CFAP299: variants seen among roughly 807,000 people sequenced by gnomAD.
The protein encoded by CFAP299 is cilia and flagella associated protein 299, also known as cilia- and flagella-associated protein 299.
A neutral mutation model predicts 27.0 loss-of-function variants in CFAP299; 21 were observed. That is an observed-to-expected ratio of 0.78 (90% CI 0.55 to 1.12). The LOEUF is 1.12. Among genes scored for constraint, CFAP299 ranks in the 50% most tolerant of loss-of-function variants. The probability of loss-of-function intolerance (pLI) is 0.00; values close to 1 mark genes in which losing one functional copy is unlikely to be tolerated. For missense variants in CFAP299, 310 were observed against 276.6 expected (o/e 1.12, Z -0.86); for synonymous variants, 104 against 98.1 (o/e 1.06, Z -0.36).
intron 2 of CFAP299, among the ~76,000 whole-genome samples, chr4:80,576,316 A>G (rs891934271): frequency 8.6e-5 from 13 of 151,606 alleles, no homozygotes; most frequent in Non-Finnish European, 1.3e-4. Flanking sequence ...CCTAATTTAT[A>G]TAAAGGATAA....
rs952681447 is a variant in CFAP299, at chr4:80,618,822, A to G, written c.333+35639A>G. Reference sequence around the variant, plus strand: ...TTTACTTAGTGTAATAAGGGTAAGTATAATATAATAATATCATAAATAAAA... The same window carrying G: ...TTTACTTAGTGTAATAAGGGTAAGTGTAATATAATAATATCATAAATAAAA... On this transcript the variant is annotated intron_variant, in intron 3 of 5. Coordinates refer to ENST00000358105, the MANE Select transcript of CFAP299 (RefSeq NM_152770.3). 2.0e-5 allele frequency among the ~76,000 whole-genome samples: 3 copies of G among 152,078 alleles called. No homozygotes were observed. The East Asian group carries it at 5.8e-4, about 29-fold the overall frequency.
At chr4:80,940,262 C>T (rs1172490814) in intron 4 of CFAP299, among the ~76,000 whole-genome samples, 2 of 152,084 alleles carry the variant, frequency 1.3e-5, no homozygotes, top group African/African-American at 4.8e-5. Context: ...CCTAGTTCCC[C>T]CCAAGACTAT....
chr4:80,794,017 G>C (rs1727715529), intron 3 of CFAP299, among the ~76,000 whole-genome samples: 1 of 152,160 alleles, frequency 6.6e-6, no homozygotes, highest in African/African-American at 2.4e-5. Context: ...GTCTGTTGTA[G>C]TTTCCCATTG....
intron 2 of CFAP299, chr4:80,386,465 A>T: frequency 4.6e-6 from 7 of 1,536,706 alleles, no homozygotes; most frequent in Non-Finnish European, 6.1e-6. Flanking sequence ...CCTTGCGCCC[A>T]CCACTGCCGC....
At chr4:80,737,201 G>A (rs1381698692) in intron 3 of CFAP299, among the ~76,000 whole-genome samples, 2 of 151,522 alleles carry the variant, frequency 1.3e-5, no homozygotes, top group African/African-American at 4.9e-5. Flanking sequence ...ATTGGGAGAT[G>A]TACCTAATGC....
intron 4 of CFAP299, among the ~76,000 whole-genome samples, chr4:80,898,184 AGAAAAATGAGGTCACAT>A (rs1367856826): frequency 1.3e-5 from 2 of 152,260 alleles, no homozygotes; most frequent in East Asian, 3.9e-4. Flanking sequence ...CCAGTGACCA[AGAAAAATGAGGTCACAT>A]GAACAAATTA....
intron 3 of CFAP299, among the ~76,000 whole-genome samples, chr4:80,784,270 G>T (rs1203721591): frequency 6.6e-6 from 1 of 152,200 alleles, no homozygotes; most frequent in South Asian, 2.1e-4. Context: ...TCATACAGTA[G>T]TTCCATTTTT....
intron 3 of CFAP299, among the ~76,000 whole-genome samples, chr4:80,708,362 T>A (rs1214903391): frequency 6.6e-6 from 1 of 152,080 alleles, no homozygotes; most frequent in African/African-American, 2.4e-5. Flanking sequence ...TTTGTCCTTT[T>A]GCTCTTTATG....
intron 2 of CFAP299, among the ~76,000 whole-genome samples, chr4:80,487,807 A>G (rs1730903408): frequency 1.3e-5 from 2 of 152,196 alleles, no homozygotes; most frequent in African/African-American, 4.8e-5. Context: ...CATTAACAGA[A>G]GGGAGATGGC....
intron 3 of CFAP299, among the ~76,000 whole-genome samples, chr4:80,730,984 C>T (rs1723488250): frequency 1.3e-5 from 2 of 152,144 alleles, no homozygotes; most frequent in South Asian, 4.1e-4. Flanking sequence ...CTAGCAGCTC[C>T]TTGGTGTTAA....
rs183168987 is a variant in CFAP299, at chr4:80,411,480, T to G, written c.242+48596T>G. Among the ~76,000 whole-genome samples the G allele has an allele frequency of 6.2e-3, 937 of 152,204 alleles. 2 individuals carry two copies. Among genetic ancestry groups the G allele is most frequent in the Middle Eastern group, 0.024 (7 of 294 alleles). ...ATGAAAGGAATGTAAACAATCTAATTTTTTTATCAAAAGATTAGACATTTA... is the reference window on the plus strand; with the variant it reads ...ATGAAAGGAATGTAAACAATCTAATGTTTTTATCAAAAGATTAGACATTTA... On this transcript the variant is annotated intron_variant, in intron 2 of 5. Transcript: ENST00000358105.
chr4:80,497,327 T>C (rs1335870284), intron 2 of CFAP299, among the ~76,000 whole-genome samples: 1 of 152,178 alleles, frequency 6.6e-6, no homozygotes, highest in African/African-American at 2.4e-5. Context: ...TTTTGGTAAC[T>C]AGCAAATGAC....
intron 3 of CFAP299, among the ~76,000 whole-genome samples, chr4:80,712,698 A>G (rs1164857191): frequency 1.3e-5 from 2 of 152,214 alleles, no homozygotes; most frequent in African/African-American, 4.8e-5. Flanking sequence ...ACAGAAATGA[A>G]TTAGTATGTT....
intron 3 of CFAP299, among the ~76,000 whole-genome samples, chr4:80,735,293 A>T (rs921946969): frequency 6.6e-6 from 1 of 152,136 alleles, no homozygotes. Context: ...TTGAATTTGT[A>T]TACTGCAACA....
intron 3 of CFAP299, among the ~76,000 whole-genome samples, chr4:80,585,676 G>T (rs1354394190): frequency 3.3e-5 from 5 of 152,128 alleles, no homozygotes; most frequent in Non-Finnish European, 5.9e-5. Flanking sequence ...TGGTTAATGT[G>T]ATCAGACATG....
intron 2 of CFAP299, among the ~76,000 whole-genome samples, chr4:80,504,516 A>G (rs1387947732): frequency 1.4e-5 from 1 of 72,362 alleles, no homozygotes; most frequent in Admixed American, 2.0e-4. Flanking sequence ...TTTTCCTTTG[A>G]AAGAATGCAA....
intron 4 of CFAP299, among the ~76,000 whole-genome samples, chr4:80,909,712 C>T (rs1735371124): frequency 6.6e-6 from 1 of 151,632 alleles, no homozygotes; most frequent in Non-Finnish European, 1.5e-5. Flanking sequence ...AACTCTTCTC[C>T]TTTACAAATG....
At chr4:80,685,500 A>G (rs1372941860) in intron 3 of CFAP299, among the ~76,000 whole-genome samples, 1 of 151,986 alleles carries the variant, frequency 6.6e-6, no homozygotes, top group Non-Finnish European at 1.5e-5. Flanking sequence ...TCTTGTATAC[A>G]AAAACTCTAT....
At chr4:80,804,560 A>G (rs1011206702) in intron 3 of CFAP299, among the ~76,000 whole-genome samples, 25 of 152,122 alleles carry the variant, frequency 1.6e-4, no homozygotes, top group Non-Finnish European at 2.1e-4. Context: ...CATTGTATCT[A>G]TTGTGAATAA....
Sources: allele counts gnomAD v4.1 joint callset (sites outside exome capture counted in the v4.1 genomes callset), GRCh38; gene constraint gnomAD v4.1.1; transcripts MANE v1.5; gene names NCBI Gene and HGNC (gene_info 2026-07-23, HGNC 2026-07-21).